Variants in BCCIP observed in about 807,000 individuals in gnomAD.
BCCIP encodes the protein BRCA2 and CDKN1A-interacting protein.
BCCIP carries 23 observed loss-of-function variants against 32.8 expected under a neutral mutation model. The ratio of observed to expected loss-of-function variants is 0.70; its 90% CI spans 0.51 to 0.99. The LOEUF is 0.99. Among genes scored for constraint, BCCIP ranks in the 50% least tolerant of loss-of-function variants. The pLI is 0.00. For synonymous variants in BCCIP, 144 were observed against 137.6 expected, an observed-to-expected ratio of 1.05 and a Z score of -0.33; for missense variants, 378 against 379.8, an observed-to-expected ratio of 1.00 and a Z score of 0.04.
chr10:125,829,075 G>A (rs975876715), intron 3 of BCCIP, among the ~76,000 whole-genome samples: 17 of 152,104 alleles, frequency 1.1e-4, no homozygotes, highest in Admixed American at 3.3e-4. Context: ...CTAGGGGGAG[G>A]GCACATTGAT....
At chr10:125,839,065 G>T (rs1854789338), downstream of BCCIP, 1 of 1,614,210 alleles carries the variant, frequency 6.2e-7, no homozygotes, top group Non-Finnish European at 8.5e-7. Context: ...GGAGCCAAAA[G>T]CAGGTTCTGC....
chr10:125,841,368 A>C, downstream of BCCIP: 1 of 1,613,622 alleles, frequency 6.2e-7, no homozygotes. Context: ...AAATTAAAAC[A>C]TACAAGCCAG....
chr10:125,831,566 T>C lies in BCCIP; in HGVS notation c.558T>C (p.Asn186=). The change falls in exon 5 of 7, where the codon AAT becomes AAC. Residue 186 remains asparagine, a synonymous_variant. Transcript: ENST00000278100. ...TTCTCCTAAGTGAAAGATTCATTAA[T>C]GTCCCTCCACAGATCGCTCTGCCCA... ...VGLLLSERFI[N]VPPQIALPMY... is the part of the protein sequence containing the mutation. 3 of 1,614,212 alleles carry C rather than the reference T, an allele frequency of 1.9e-6. No individual in the cohort carries two copies. The highest frequency in any genetic ancestry group is 2.2e-5 in the East Asian group (1 of 44,886).
In BCCIP at chr10:125,831,484, A is replaced by C; in HGVS notation, c.476A>C (p.Lys159Thr). 2 of 1,614,222 alleles carry C rather than the reference A, an allele frequency of 1.2e-6. No homozygotes were observed. Among genetic ancestry groups the C allele is most frequent in the Non-Finnish European group, 1.7e-6 (2 of 1,180,028 alleles). Residue 159 changes from lysine (K) to threonine (T), a missense_variant, in exon 5 of 7, where the codon AAG becomes ACG. By Grantham distance (78) the Lys-to-Thr change is moderately conservative. Transcript: ENST00000278100. ...CGCTTCTGTGAGAAGAACTGTGAAAAGAGCATGGTTGAACAGCTGGACAAG... is the reference window on the plus strand; with the variant it reads ...CGCTTCTGTGAGAAGAACTGTGAAACGAGCATGGTTGAACAGCTGGACAAG... ...VLRFCEKNCE[K>T]SMVEQLDKFL...
At chr10:125,827,682 A>G in intron 3 of BCCIP, 44 bp downstream of exon 3, 2 of 1,419,278 alleles carry the variant, frequency 1.4e-6, no homozygotes, top group South Asian at 2.3e-5. Flanking sequence ...TGAGTTCTTT[A>G]TTCTGTTCAT....
chr10:125,839,302 GC>G, downstream of BCCIP: 1 of 1,071,242 alleles, frequency 9.3e-7, no homozygotes, highest in Non-Finnish European at 1.3e-6. Flanking sequence ...TACAAAGGAG[GC>G]CACGTAGGTG....
chr10:125,841,650 T>C (rs939592831), exon 7 of BCCIP: 2 of 1,521,184 alleles, frequency 1.3e-6, no homozygotes, highest in African/African-American at 2.8e-5. Context: ...CTCTGCTCTG[T>C]GCTCCTCAAA....
At chr10:125,845,835 C>T (rs1426802603), downstream of BCCIP, among the ~76,000 whole-genome samples, 2 of 152,362 alleles carry the variant, frequency 1.3e-5, no homozygotes, top group Non-Finnish European at 2.9e-5. Flanking sequence ...GTGAGGCAGG[C>T]GGAGGCCAGC....
chr10:125,838,868 A>G, downstream of BCCIP: 3 of 1,098,144 alleles, frequency 2.7e-6, no homozygotes, highest in Non-Finnish European at 3.9e-6. Flanking sequence ...TTAAGTACCA[A>G]ATCTTTAATA....
rs1854689612 is a variant in BCCIP, at chr10:125,836,497, T to C, written c.*223T>C. ...AACTTTTCCAAGAAGAAGAAAAGCA[T>C]GGAGTAGTAATTTAAAGAACTCAAT... On this transcript the variant is annotated 3_prime_UTR_variant, in exon 7 of 7. Coordinates refer to ENST00000278100, the MANE Select transcript of BCCIP (RefSeq NM_078468.3). 2 of 1,377,678 alleles carry C rather than the reference T, an allele frequency of 1.5e-6. No individual in the cohort carries two copies. Among genetic ancestry groups the C allele is most frequent in the Non-Finnish European group, 1.9e-6 (2 of 1,057,564 alleles). 85.3% of individuals were successfully genotyped at this position (1,377,678 alleles called of 1,614,324 possible).
downstream of BCCIP, chr10:125,839,074 G>A: frequency 6.2e-7 from 1 of 1,614,186 alleles, no homozygotes; most frequent in Non-Finnish European, 8.5e-7. Context: ...AGCAGGTTCT[G>A]CATAGGGAAG....
At chr10:125,839,035 A>G, downstream of BCCIP, 1 of 1,614,024 alleles carries the variant, frequency 6.2e-7, no homozygotes, top group Non-Finnish European at 8.5e-7. Context: ...AGCTTTCTTT[A>G]TGTTTAGAGT....
At chr10:125,831,020 G>A (rs1478081219) in intron 4 of BCCIP, among the ~76,000 whole-genome samples, 4 of 152,128 alleles carry the variant, frequency 2.6e-5, no homozygotes, top group African/African-American at 9.7e-5. Context: ...ATTTTGTTTC[G>A]ATTCATCTCT....
chr10:125,841,514 G>A, downstream of BCCIP: 6 of 1,433,464 alleles, frequency 4.2e-6, no homozygotes, highest in Admixed American at 3.1e-5. Flanking sequence ...TACATCTGAT[G>A]TATAAATTTG....
At chr10:125,851,077 A>G (rs542044623) in intron 7 of BCCIP, among the ~76,000 whole-genome samples, 5 of 152,348 alleles carry the variant, frequency 3.3e-5, no homozygotes, top group East Asian at 3.9e-4. Context: ...GGGGAATTCA[A>G]TTAACAGCCT....
intron 5 of BCCIP, among the ~76,000 whole-genome samples, chr10:125,832,777 C>T (rs1019294237): frequency 4.6e-5 from 7 of 151,556 alleles, no homozygotes; most frequent in Non-Finnish European, 1.0e-4. Context: ...TGCACGCCAG[C>T]CTGGGCAAAA....
intron 7 of BCCIP, among the ~76,000 whole-genome samples, chr10:125,850,354 C>CTTTTTTTTTTTTTTTTT (rs765077777): frequency 1.6e-5 from 2 of 124,558 alleles, no homozygotes; most frequent in East Asian, 2.2e-4. Context: ...TTCTTTCTTT[C>CTTTTTTTTTTTTTTTTT]TTTTTTTTTT....
intron 5 of BCCIP, among the ~76,000 whole-genome samples, chr10:125,832,623 C>T (rs945619145): frequency 2.0e-5 from 3 of 151,574 alleles, no homozygotes; most frequent in Non-Finnish European, 4.4e-5. Context: ...TTTGCTTTCT[C>T]CTAGTCCTGT....
chr10:125,844,109 T>G (rs1667796546), downstream of BCCIP, among the ~76,000 whole-genome samples: 1 of 152,004 alleles, frequency 6.6e-6, no homozygotes, highest in Admixed American at 6.6e-5. Context: ...GAAATCACAA[T>G]CATGGGAAAT....
Sources: gnomAD v4.1 joint callset for allele counts (sites outside exome capture counted in the v4.1 genomes callset) on GRCh38, gnomAD v4.1.1 for gene constraint, MANE v1.5 for transcripts, NCBI Gene and HGNC (gene_info 2026-07-23, HGNC 2026-07-21) for gene names.